The following TRPM6 variants were observed in gnomAD, a reference collection of about 807,000 sequenced individuals.
TRPM6 encodes transient receptor potential cation channel subfamily M member 6.
Under a neutral mutation model 247.6 loss-of-function variants are expected in TRPM6, and 111 were observed. That is an observed-to-expected ratio of 0.45 (90% confidence interval 0.38 to 0.52). The LOEUF (loss-of-function observed/expected upper bound fraction) is 0.52. Among genes scored for constraint, TRPM6 ranks in the 20% least tolerant of loss-of-function variants. TRPM6 has a pLI of 0.00. For synonymous variants in TRPM6, 892 were observed against 853.8 expected (o/e 1.04, Z -0.78); for missense variants, 2,126 against 2,421.5 (o/e 0.88, Z 2.56).
At chr9:74,757,563 CAA>C (rs1176496033) in intron 27 of TRPM6, among the ~76,000 whole-genome samples, 2,948 of 53,950 alleles carry the variant, frequency 0.055, 86 homozygotes, top group African/African-American at 0.17. Context: ...GAGACCCTGT[CAA>C]AAAAAAAAAA....
intron 33 of TRPM6, 134 bp downstream of exon 33, chr9:74,742,427 T>C: frequency 1.2e-6 from 1 of 819,284 alleles, no homozygotes; most frequent in Non-Finnish European, 2.0e-6. Context: ...TTTTAGGAAA[T>C]GAATCTCACT....
intron 38 of TRPM6, among the ~76,000 whole-genome samples, chr9:74,727,457 T>G (rs2769194): frequency 6.6e-6 from 1 of 151,202 alleles, no homozygotes; most frequent in South Asian, 2.1e-4. Context: ...CAGGTTACGA[T>G]GGATGGTGCT....
intron 1 of TRPM6, among the ~76,000 whole-genome samples, chr9:74,876,284 A>C (rs1160339587): frequency 6.6e-6 from 1 of 152,164 alleles, no homozygotes; most frequent in Non-Finnish European, 1.5e-5. Flanking sequence ...GGGTTTCATC[A>C]TGCTGGTCAG....
chr9:74,769,600 T>C (rs957147901), intron 25 of TRPM6, among the ~76,000 whole-genome samples: 2 of 151,640 alleles, frequency 1.3e-5, no homozygotes, highest in Non-Finnish European at 2.9e-5. Context: ...CTACTAAAAA[T>C]ACAAAAAATT....
intron 24 of TRPM6, among the ~76,000 whole-genome samples, chr9:74,773,625 T>C (rs1827122791): frequency 6.6e-6 from 1 of 152,234 alleles, no homozygotes; most frequent in South Asian, 2.1e-4. Flanking sequence ...AATGAAGTGA[T>C]GCTGCTAAAA....
At chr9:74,754,264 A>C (rs1015520815) in intron 28 of TRPM6, among the ~76,000 whole-genome samples, 1 of 152,168 alleles carries the variant, frequency 6.6e-6, no homozygotes, top group Non-Finnish European at 1.5e-5. Context: ...TGACTAATTT[A>C]ATCTCTAAAT....
intron 31 of TRPM6, among the ~76,000 whole-genome samples, chr9:74,744,888 G>T (rs769494700): frequency 6.6e-6 from 1 of 152,196 alleles, no homozygotes; most frequent in Non-Finnish European, 1.5e-5. Flanking sequence ...CTGGGTTTTT[G>T]TTGCTGGATA....
At chr9:74,825,594 C>T (rs1441432316) in intron 7 of TRPM6, among the ~76,000 whole-genome samples, 1 of 152,018 alleles carries the variant, frequency 6.6e-6, no homozygotes, top group Non-Finnish European at 1.5e-5. Flanking sequence ...CAGCAAAAGC[C>T]TCCAGATAAA....
Position 74,762,483 on chromosome 9 carries a change from G to T in TRPM6, c.4188C>A (p.Asp1396Glu). Residue 1396 changes from aspartate (D) to glutamate (E), a missense_variant, in exon 26 of 39, where the codon GAC becomes GAA. This residue lies in a region of TRPM6 where 717 missense variants were observed against 715.9 expected (regional missense o/e 1.00). Coordinates refer to ENST00000360774, the MANE Select transcript of TRPM6 (RefSeq NM_017662.5). Reference protein sequence around the residue: ...HLTGQTPVVSDWASVDEPKEK... With the variant: ...HLTGQTPVVSEWASVDEPKEK... ...CCTTGGGTTCATCCACTGATGCCCAGTCAGAGACAACTGGGGTCTGCCCAG... is the reference window on the plus strand; with the variant it reads ...CCTTGGGTTCATCCACTGATGCCCATTCAGAGACAACTGGGGTCTGCCCAG... 6.2e-7 allele frequency: 1 copy of T among 1,614,192 alleles called. No individual in the cohort carries two copies. Among genetic ancestry groups the T allele is most frequent in the Non-Finnish European group, 8.5e-7 (1 of 1,180,032 alleles).
At chr9:74,821,939 T>C in intron 7 of TRPM6, 102 bp from the exon 8 acceptor site, 1 of 1,321,134 alleles carries the variant, frequency 7.6e-7, no homozygotes, top group Non-Finnish European at 1.1e-6. Flanking sequence ...ACCACCTATG[T>C]TCATTCCTCA....
chr9:74,745,655 G>C (rs1055759696), intron 31 of TRPM6, among the ~76,000 whole-genome samples: 2 of 152,140 alleles, frequency 1.3e-5, no homozygotes, highest in African/African-American at 4.8e-5. Flanking sequence ...GTAACAGCAA[G>C]TGTGAATGCC....
Position 74,849,108 on chromosome 9 carries a change from G to A in TRPM6, c.152+6419C>T, listed in dbSNP as rs146765358. ...CTCACGCCTTTCATCCCAGCACTTC[G>A]GGAGGCCGAGGTGGGCAGATCACCT... On this transcript the variant is annotated intron_variant, in intron 3 of 38. Transcript: ENST00000360774. 2.3e-3 allele frequency among the ~76,000 whole-genome samples: 353 copies of A among 152,266 alleles called. 3 individuals are homozygous for A. The highest frequency in any genetic ancestry group is 3.7e-3 in the Admixed American group (57 of 15,296).
At chr9:74,839,810 T>C (rs1191409719) in intron 5 of TRPM6, among the ~76,000 whole-genome samples, 1 of 141,256 alleles carries the variant, frequency 7.1e-6, no homozygotes, top group African/African-American at 2.7e-5. Flanking sequence ...TGTGGCACAC[T>C]ACCTGATTCA....
chr9:74,794,165 G>A (rs1402676185), intron 18 of TRPM6, among the ~76,000 whole-genome samples: 1 of 151,780 alleles, frequency 6.6e-6, no homozygotes, highest in East Asian at 1.9e-4. Flanking sequence ...TTTTTAATAG[G>A]AAACACATGT....
chr9:74,864,226 A>G (rs1188155603), intron 1 of TRPM6, among the ~76,000 whole-genome samples: 5 of 152,136 alleles, frequency 3.3e-5, no homozygotes, highest in African/African-American at 1.2e-4. Flanking sequence ...ATATTTTCAG[A>G]CTCCAGATCA....
At chr9:74,836,445 G>A (rs1056355429) in intron 5 of TRPM6, among the ~76,000 whole-genome samples, 1 of 152,062 alleles carries the variant, frequency 6.6e-6, no homozygotes, top group Non-Finnish European at 1.5e-5. Context: ...CCCTCTCCCA[G>A]AGCCATCTCT....
intron 3 of TRPM6, among the ~76,000 whole-genome samples, chr9:74,852,974 T>C (rs967643129): frequency 1.3e-5 from 2 of 150,934 alleles, no homozygotes; most frequent in Non-Finnish European, 3.0e-5. Flanking sequence ...GTGAGGAGCC[T>C]CTCTGCCTGG....
chr9:74,869,948 G>C (rs1417758598), intron 1 of TRPM6, among the ~76,000 whole-genome samples: 2 of 152,130 alleles, frequency 1.3e-5, no homozygotes, highest in Admixed American at 6.5e-5. Flanking sequence ...TATTATCCAT[G>C]TTCTATAGAA....
intron 2 of TRPM6, among the ~76,000 whole-genome samples, chr9:74,856,504 G>A (rs1490282103): frequency 6.6e-6 from 1 of 150,602 alleles, no homozygotes; most frequent in African/African-American, 2.5e-5. Context: ...AGTATTAACA[G>A]GGAAGTCTAG....
Sources: allele counts gnomAD v4.1 joint callset (sites outside exome capture counted in the v4.1 genomes callset), GRCh38; gene constraint gnomAD v4.1.1; regional missense constraint gnomAD v4.1.1; transcripts MANE v1.5; gene names NCBI Gene and HGNC (gene_info 2026-07-23, HGNC 2026-07-21).